Variants in CLSTN2 observed in about 807,000 individuals in gnomAD.
CLSTN2 encodes calsyntenin 2, also known as calsyntenin-2.
Under a neutral mutation model 101.2 loss-of-function variants are expected in CLSTN2, and 48 were observed. The ratio of observed to expected loss-of-function variants is 0.47; its 90% confidence interval spans 0.38 to 0.60. The LOEUF (loss-of-function observed/expected upper bound fraction) is 0.60. CLSTN2 is among the 20% of genes least tolerant of loss of function. CLSTN2 has a pLI of 0.00. For synonymous variants in CLSTN2, 481 were observed against 463.6 expected, an observed-to-expected ratio of 1.04 and a Z score of -0.48; for missense variants, 1,160 against 1,238.2, an observed-to-expected ratio of 0.94 and a Z score of 0.95.
At chr3:140,280,778 G>A (rs138877024) in intron 2 of CLSTN2, among the ~76,000 whole-genome samples, 73 of 152,256 alleles carry the variant, frequency 4.8e-4, no homozygotes, top group African/African-American at 1.5e-3. Flanking sequence ...CAGGGCACTG[G>A]GGAAGGTGGG....
chr3:140,418,479 A>G (rs578034559), intron 4 of CLSTN2, among the ~76,000 whole-genome samples: 2 of 151,548 alleles, frequency 1.3e-5, no homozygotes, highest in South Asian at 4.2e-4. Context: ...ATAGCAGAAT[A>G]GATTATTCTA....
chr3:140,037,090 A>G (rs1287454549), intron 1 of CLSTN2, among the ~76,000 whole-genome samples: 1 of 152,220 alleles, frequency 6.6e-6, no homozygotes, highest in Non-Finnish European at 1.5e-5. Flanking sequence ...TATATAGTAC[A>G]TATTTTCTTT....
Position 140,330,371 on chromosome 3 carries a change from T to C in CLSTN2, c.233-73258T>C, listed in dbSNP as rs560877987. Among the ~76,000 whole-genome samples the C allele has an allele frequency of 2.6e-5, 4 of 152,306 alleles. No individual in the cohort carries two copies. In the East Asian group the frequency reaches 5.8e-4, roughly 22 times the overall value. Reference sequence around the variant, plus strand: ...GGAAAGTTATTGCTCCTGTTGGTGGTTCCCAACTAATGAGGGGTGGTCAAC... The same window carrying C: ...GGAAAGTTATTGCTCCTGTTGGTGGCTCCCAACTAATGAGGGGTGGTCAAC... On this transcript the variant is annotated intron_variant, in intron 2 of 16. Transcript: ENST00000458420.
intron 2 of CLSTN2, among the ~76,000 whole-genome samples, chr3:140,179,856 G>T (rs71314542): frequency 1.3e-5 from 2 of 152,174 alleles, no homozygotes; most frequent in Admixed American, 1.3e-4. Flanking sequence ...CCACATTTCA[G>T]ATTCTGTTGT....
intron 1 of CLSTN2, among the ~76,000 whole-genome samples, chr3:140,040,983 A>G (rs758373417): frequency 1.2e-4 from 19 of 152,110 alleles, no homozygotes; most frequent in Non-Finnish European, 2.1e-4. Context: ...GTGATAAATG[A>G]AGGAAATAAG....
chr3:140,244,283 G>T (rs1457312475), intron 2 of CLSTN2, among the ~76,000 whole-genome samples: 6 of 152,184 alleles, frequency 3.9e-5, no homozygotes, highest in Non-Finnish European at 8.8e-5. Flanking sequence ...TTGCATGAGG[G>T]TGGGTTTTGT....
intron 5 of CLSTN2, among the ~76,000 whole-genome samples, chr3:140,438,103 C>T (rs1315611585): frequency 6.6e-6 from 1 of 152,086 alleles, no homozygotes; most frequent in African/African-American, 2.4e-5. Context: ...AATGCAATGG[C>T]AATTAGTACA....
At chr3:140,053,015 C>A (rs1205343618) in intron 1 of CLSTN2, among the ~76,000 whole-genome samples, 1 of 152,174 alleles carries the variant, frequency 6.6e-6, no homozygotes, top group Non-Finnish European at 1.5e-5. Context: ...CAACCACGAG[C>A]CTGCAGGGGT....
chr3:140,439,098 C>T (rs868618360), intron 5 of CLSTN2, among the ~76,000 whole-genome samples: 7 of 152,220 alleles, frequency 4.6e-5, no homozygotes, highest in African/African-American at 1.4e-4. Flanking sequence ...TGGAAGCACT[C>T]ATGCTGGCAT....
chr3:140,240,293 CATATATAT>C (rs1175836591), intron 2 of CLSTN2, among the ~76,000 whole-genome samples: 1,395 of 11,324 alleles, frequency 0.12, 12 homozygotes, highest in Non-Finnish European at 0.4. Flanking sequence ...CATATATACA[CATATATAT>C]ATATACACAC....
Position 140,243,435 on chromosome 3 carries a change from G to C in CLSTN2, c.232+67362G>C, listed in dbSNP as rs547801494. On this transcript the variant is annotated intron_variant, in intron 2 of 16. Coordinates refer to ENST00000458420, the MANE Select transcript of CLSTN2 (RefSeq NM_022131.3). ...CCTGAGACATCTGGGTTATATTGCT[G>C]TCTTTTGCCTGTGGTTTAGTAAATG... Among the ~76,000 whole-genome samples, 3 of 152,310 alleles carry C rather than the reference G, an allele frequency of 2.0e-5. No homozygotes were observed. The South Asian group carries it at 6.2e-4, about 32-fold the overall frequency.
At chr3:140,129,815 T>G (rs1232079261) in intron 1 of CLSTN2, among the ~76,000 whole-genome samples, 1 of 152,126 alleles carries the variant, frequency 6.6e-6, no homozygotes, top group Non-Finnish European at 1.5e-5. Context: ...GGAGTGCCAT[T>G]CATCACCCCT....
chr3:140,399,780 G>T (rs2088220457), intron 2 of CLSTN2, among the ~76,000 whole-genome samples: 1 of 151,988 alleles, frequency 6.6e-6, no homozygotes, highest in Non-Finnish European at 1.5e-5. Context: ...ATTGCTTGGT[G>T]CTAGAGTTTG....
chr3:140,029,821 C>A (rs576203057), intron 1 of CLSTN2, among the ~76,000 whole-genome samples: 1 of 152,124 alleles, frequency 6.6e-6, no homozygotes, highest in Admixed American at 6.5e-5. Flanking sequence ...CTTATTTTCA[C>A]TCTCCAACTG....
Position 140,405,233 on chromosome 3 carries a change from A to ATTT in CLSTN2, c.637+476_637+478dup, listed in dbSNP as rs72398449. On this transcript the variant is annotated intron_variant, in intron 4 of 16. Transcript: ENST00000458420. The stretch of plus-strand genomic sequence containing the variant: ...CTTCTAAACCATAGATTCATTCAGG[A>ATTT]TTTTTTTTTTTGAGATGGAGTTTCG... 8.6e-4 allele frequency among the ~76,000 whole-genome samples: 129 copies of ATTT among 149,356 alleles called. 1 individual carries two copies. The highest frequency in any genetic ancestry group is 2.3e-3 in the South Asian group (11 of 4,694).
chr3:140,273,528 C>T (rs2086763846), intron 2 of CLSTN2, among the ~76,000 whole-genome samples: 1 of 152,116 alleles, frequency 6.6e-6, no homozygotes, highest in Non-Finnish European at 1.5e-5. Flanking sequence ...TTCTTTATCA[C>T]ATATGAATAG....
intron 7 of CLSTN2, chr3:140,462,950 G>C (rs1933597571): frequency 6.6e-6 from 1 of 152,252 alleles, no homozygotes; most frequent in East Asian, 1.9e-4. Flanking sequence ...TGGTCACATT[G>C]CCCCACCTAC....
intron 2 of CLSTN2, among the ~76,000 whole-genome samples, chr3:140,242,638 A>G (rs1055468854): frequency 6.6e-6 from 1 of 152,164 alleles, no homozygotes; most frequent in Non-Finnish European, 1.5e-5. Context: ...ACACTCAGCC[A>G]TCACCTTCTC....
At chr3:140,159,366 G>A (rs182962267) in intron 1 of CLSTN2, among the ~76,000 whole-genome samples, 1 of 152,040 alleles carries the variant, frequency 6.6e-6, no homozygotes, top group Non-Finnish European at 1.5e-5. Flanking sequence ...CCAAGGACAT[G>A]AACAGACACT....
Sources: gnomAD v4.1 joint callset for allele counts (sites outside exome capture counted in the v4.1 genomes callset) on GRCh38, gnomAD v4.1.1 for gene constraint, MANE v1.5 for transcripts, NCBI Gene and HGNC (gene_info 2026-07-23, HGNC 2026-07-21) for gene names.